Variants in RALYL observed in about 807,000 individuals in gnomAD.
The protein encoded by RALYL is RALY RNA binding protein like.
In RALYL, 29 loss-of-function variants were observed where a neutral mutation model predicts 35.1. The observed-to-expected ratio is 0.83, with a 90% CI of 0.61 to 1.13. The LOEUF (loss-of-function observed/expected upper bound fraction) is 1.13, where lower values mean the gene tolerates loss of function less well. RALYL is among the 50% of genes most tolerant of loss of function. The pLI is 0.00. For missense variants in RALYL, 359 were observed against 360.4 expected (o/e 1.00, Z 0.03); for synonymous variants, 120 against 127.6 (o/e 0.94, Z 0.40).
chr8:84,754,457 G>T (rs912022151), intron 2 of RALYL, among the ~76,000 whole-genome samples: 50 of 152,024 alleles, frequency 3.3e-4, no homozygotes, highest in Non-Finnish European at 5.3e-4. Flanking sequence ...ATTCCACTTT[G>T]CCCTCTCCTC....
At chr8:84,488,200 C>T (rs4740016) in intron 1 of RALYL, among the ~76,000 whole-genome samples, 53,072 of 151,848 alleles carry the variant, frequency 0.35, 9,562 homozygotes, top group South Asian at 0.52. Context: ...GATTTTCCCC[C>T]TTCAGCATAA....
intron 8 of RALYL, among the ~76,000 whole-genome samples, chr8:84,890,616 G>T (rs1474559427): frequency 6.6e-6 from 1 of 152,060 alleles, no homozygotes; most frequent in Admixed American, 6.6e-5. Context: ...ATGCTGAAGG[G>T]GGCTCTAGGA....
intron 2 of RALYL, among the ~76,000 whole-genome samples, chr8:84,621,908 T>C (rs1821601443): frequency 6.6e-6 from 1 of 152,238 alleles, no homozygotes. Flanking sequence ...TCTTTTTCTA[T>C]GAAACCAATT....
intron 2 of RALYL, among the ~76,000 whole-genome samples, chr8:84,740,326 A>T (rs1563490274): frequency 6.6e-6 from 1 of 152,140 alleles, no homozygotes; most frequent in East Asian, 1.9e-4. Flanking sequence ...AAAAAAGATT[A>T]AGTATTGAAG....
intron 2 of RALYL, among the ~76,000 whole-genome samples, chr8:84,734,345 G>C (rs1315236269): frequency 6.6e-6 from 1 of 152,120 alleles, no homozygotes; most frequent in African/African-American, 2.4e-5. Context: ...CTTAGGTATA[G>C]TTCCTGTGTT....
intron 2 of RALYL, among the ~76,000 whole-genome samples, chr8:84,720,950 C>A (rs11987165): frequency 0.025 from 3,754 of 152,094 alleles, 160 homozygotes; most frequent in African/African-American, 0.085. Flanking sequence ...TTATCTCACC[C>A]AGTTAAAATG....
At chr8:84,489,875 A>G (rs886986596) in intron 1 of RALYL, among the ~76,000 whole-genome samples, 1 of 152,082 alleles carries the variant, frequency 6.6e-6, no homozygotes, top group Non-Finnish European at 1.5e-5. Context: ...GTTTGGAATA[A>G]CTAGAATTCA....
chr8:84,821,366 T>C (rs1459153292), intron 4 of RALYL, among the ~76,000 whole-genome samples: 1 of 152,210 alleles, frequency 6.6e-6, no homozygotes, highest in Non-Finnish European at 1.5e-5. Flanking sequence ...CATTTTGGAA[T>C]GGAGTCCAGT....
At chr8:84,598,787 G>A (rs1815213248) in intron 2 of RALYL, among the ~76,000 whole-genome samples, 1 of 152,012 alleles carries the variant, frequency 6.6e-6, no homozygotes, top group South Asian at 2.1e-4. Context: ...AATAAATATA[G>A]GAGTGCAGGT....
At chr8:84,303,494 G>A (rs1335953289) in intron 1 of RALYL, among the ~76,000 whole-genome samples, 4 of 152,146 alleles carry the variant, frequency 2.6e-5, no homozygotes, top group Admixed American at 2.6e-4. Context: ...CTTATCAGAG[G>A]TACTATTGAC....
chr8:84,583,798 C>T (rs1210848032), intron 2 of RALYL, among the ~76,000 whole-genome samples: 1 of 152,116 alleles, frequency 6.6e-6, no homozygotes, highest in East Asian at 1.9e-4. Context: ...TTATTAAATC[C>T]TTGCAACAAC....
intron 2 of RALYL, among the ~76,000 whole-genome samples, chr8:84,609,851 G>C (rs1817909193): frequency 6.6e-6 from 1 of 152,120 alleles, no homozygotes. Context: ...CACGTGGCTG[G>C]GGAAGCCTCA....
At chr8:84,631,624 T>C (rs907618929) in intron 2 of RALYL, among the ~76,000 whole-genome samples, 1 of 151,484 alleles carries the variant, frequency 6.6e-6, no homozygotes, top group Non-Finnish European at 1.5e-5. Context: ...GATATGAAGA[T>C]CTGTACATAA....
chr8:84,440,375 T>C (rs1004604397), intron 1 of RALYL, among the ~76,000 whole-genome samples: 1 of 152,068 alleles, frequency 6.6e-6, no homozygotes, highest in Admixed American at 6.6e-5. Flanking sequence ...TAAGTTCAAA[T>C]TGTGACTTTT....
chr8:84,210,978 T>C (rs113336206), intron 1 of RALYL, among the ~76,000 whole-genome samples: 3 of 152,194 alleles, frequency 2.0e-5, no homozygotes, highest in African/African-American at 4.8e-5. Flanking sequence ...TGTTTAAATA[T>C]TGGCTAGTTT....
At chr8:84,453,527 C>T (rs939208835) in intron 1 of RALYL, among the ~76,000 whole-genome samples, 14 of 151,744 alleles carry the variant, frequency 9.2e-5, no homozygotes, top group African/African-American at 2.2e-4. Context: ...TAATATCTAA[C>T]GAGAGAGAGA....
chr8:84,227,386 C>G (rs963382064), intron 1 of RALYL, among the ~76,000 whole-genome samples: 5 of 152,058 alleles, frequency 3.3e-5, no homozygotes, highest in African/African-American at 1.2e-4. Flanking sequence ...TAAAAAGGCT[C>G]TAATAAAAAA....
intron 1 of RALYL, among the ~76,000 whole-genome samples, chr8:84,482,779 A>C (rs1389767936): frequency 2.0e-5 from 3 of 152,128 alleles, no homozygotes; most frequent in East Asian, 3.9e-4. Flanking sequence ...ATCATTAAAA[A>C]ATTGCAAGAT....
intron 1 of RALYL, among the ~76,000 whole-genome samples, chr8:84,451,873 C>T (rs1366383095): frequency 6.6e-6 from 1 of 151,902 alleles, no homozygotes; most frequent in Non-Finnish European, 1.5e-5. Flanking sequence ...TTGTTTTTCT[C>T]TATAACTCAA....
Sources: allele counts gnomAD v4.1 joint callset (sites outside exome capture counted in the v4.1 genomes callset), GRCh38; gene constraint gnomAD v4.1.1; transcripts MANE v1.5; gene names NCBI Gene and HGNC (gene_info 2026-07-23, HGNC 2026-07-21).